The following EFHC2 variants were observed in gnomAD, a reference collection of about 807,000 sequenced individuals.
The protein encoded by EFHC2 is EF-hand domain containing 2.
EFHC2 carries 18 observed loss-of-function variants against 52.7 expected under a neutral mutation model. The observed-to-expected ratio is 0.34, with a 90% CI of 0.24 to 0.51. The LOEUF (loss-of-function observed/expected upper bound fraction) is 0.51. Among genes scored for constraint, EFHC2 ranks in the 20% least tolerant of loss-of-function variants. The probability of loss-of-function intolerance (pLI) is 0.97; values close to 1 mark genes in which losing one functional copy is unlikely to be tolerated. For missense variants in EFHC2, 513 were observed against 562.5 expected (o/e 0.91, Z 0.89); for synonymous variants, 203 against 204.1 (o/e 0.99, Z 0.04).
chrX:44,342,864 A>G (rs887772052), intron 1 of EFHC2, among the ~76,000 whole-genome samples: 3 of 67,055 alleles, frequency 4.5e-5, no homozygotes, highest in African/African-American at 2.2e-4. Flanking sequence ...CGACAGAGCG[A>G]GACTCCGTCT....
Position 44,232,679 on chromosome X carries a change from T to A in EFHC2, c.1424-2A>T. The A allele has an allele frequency of 8.4e-7, 1 of 1,183,472 alleles. No individual in the cohort carries two copies. ...TCAAGAACATCCCACCAGCAATTCC[T>A]ATAAAAAATAGAAAAGTTCATGAGC... On this transcript the variant is annotated splice_acceptor_variant, in intron 9 of 14. Transcript: ENST00000420999. LOFTEE classifies it high-confidence loss of function.
chrX:44,228,841 T>C (rs1002856846), intron 11 of EFHC2, among the ~76,000 whole-genome samples: 9 of 111,919 alleles, frequency 8.0e-5, no homozygotes, highest in African/African-American at 2.3e-4. Flanking sequence ...GAGTTTACTA[T>C]ATAGCTTTCA....
At chrX:44,273,303 C>T (rs2037630978) in intron 2 of EFHC2, among the ~76,000 whole-genome samples, 1 of 111,338 alleles carries the variant, frequency 9.0e-6, no homozygotes, top group Admixed American at 9.7e-5. Context: ...GCAATTCAAG[C>T]AGGCATATCT....
chrX:44,184,679 C>T (rs774964151), intron 11 of EFHC2, among the ~76,000 whole-genome samples: 22 of 103,184 alleles, frequency 2.1e-4, no homozygotes, highest in African/African-American at 6.5e-4. Flanking sequence ...GCTGAGATTG[C>T]GCCATTGCAC....
intron 8 of EFHC2, among the ~76,000 whole-genome samples, chrX:44,241,909 G>A (rs2037361946): frequency 8.9e-6 from 1 of 111,813 alleles, no homozygotes. Flanking sequence ...ATTACTTTAG[G>A]GGCCTCCAGA....
chrX:44,149,469 G>A (rs1310401868), intron 14 of EFHC2, among the ~76,000 whole-genome samples: 1 of 112,137 alleles, frequency 8.9e-6, no homozygotes, highest in African/African-American at 3.2e-5. Context: ...GCATGAATAC[G>A]CTGATAGATC....
intron 13 of EFHC2, among the ~76,000 whole-genome samples, chrX:44,175,113 T>C (rs759873965): frequency 4.8e-4 from 54 of 111,809 alleles, no homozygotes; most frequent in Non-Finnish European, 7.7e-4. Context: ...TAAGCCCCAC[T>C]ATGGAGAAGG....
At chrX:44,326,859 G>A (rs899965994) in intron 1 of EFHC2, among the ~76,000 whole-genome samples, 2 of 107,343 alleles carry the variant, frequency 1.9e-5, no homozygotes, top group African/African-American at 6.8e-5. Context: ...CTCCTGAGTA[G>A]CTGAGACTAC....
chrX:44,214,157 A>G (rs1419952865), intron 11 of EFHC2, among the ~76,000 whole-genome samples: 1 of 112,038 alleles, frequency 8.9e-6, no homozygotes, highest in African/African-American at 3.2e-5. Context: ...AGAAAAGAAC[A>G]GCAGAAATAT....
At position 44,343,634 on chromosome X, in the gene EFHC2, G is replaced by C. The variant is rs1340102864; in HGVS notation, c.-46C>G. 2 of 1,001,976 alleles carry C rather than the reference G, an allele frequency of 2.0e-6. No homozygotes were observed. Among genetic ancestry groups the C allele is most frequent in the East Asian group, 4.4e-5 (1 of 22,661 alleles). 82.6% of individuals were successfully genotyped at this position (1,001,976 alleles called of 1,213,427 possible). The stretch of plus-strand genomic sequence containing the variant: ...CCAGGGTCCCAGAAGAGAGGGCCCG[G>C]CAGGCAGCGGCGCCTCCCGGCCGTG... On this transcript the variant is annotated 5_prime_UTR_variant, in exon 1 of 15. Coordinates refer to ENST00000420999, the MANE Select transcript of EFHC2 (RefSeq NM_025184.4).
chrX:44,258,250 A>G (rs938788881), intron 4 of EFHC2, among the ~76,000 whole-genome samples: 2 of 111,968 alleles, frequency 1.8e-5, no homozygotes, highest in Non-Finnish European at 3.8e-5. Context: ...TAAAATACCA[A>G]AAGCAATGGC....
intron 2 of EFHC2, among the ~76,000 whole-genome samples, chrX:44,298,337 CAGTA>C (rs752028670): frequency 6.3e-5 from 7 of 111,693 alleles, no homozygotes; most frequent in Non-Finnish European, 9.4e-5. Flanking sequence ...AAATCTCAAA[CAGTA>C]AGCTAGATTC....
At chrX:44,301,515 A>G (rs561630237) in intron 2 of EFHC2, among the ~76,000 whole-genome samples, 14 of 112,375 alleles carry the variant, frequency 1.2e-4, no homozygotes, top group African/African-American at 4.5e-4. Flanking sequence ...TTGGGCAGTT[A>G]CAATGGCAAC....
chrX:44,315,367 C>T (rs2037977097), intron 1 of EFHC2, among the ~76,000 whole-genome samples: 1 of 110,986 alleles, frequency 9.0e-6, no homozygotes. Context: ...CAGCCAAATA[C>T]AGCAAACAAC....
rs750202120 is a variant in EFHC2, at chrX:44,176,375, T to G, written c.1959A>C (p.Val653=). The part of the protein sequence containing the change: ...CVYEDREKKN[V]LPTKDIKRLC... ...GCCTTTTAATGTCTTTGGTGGGTAA[T>G]ACATTTTTTCTGCATTAAAACAACG... Residue 653 remains valine (V), a synonymous_variant, in exon 13 of 15, where the codon GTA becomes GTC. Coordinates refer to ENST00000420999, the MANE Select transcript of EFHC2 (RefSeq NM_025184.4). 1.7e-6 allele frequency: 2 copies of G among 1,190,394 alleles called. No individual in the cohort carries two copies. The highest frequency in any genetic ancestry group is 3.8e-5 in the South Asian group (2 of 52,430).
chrX:44,301,280 A>G (rs999275935), intron 2 of EFHC2, among the ~76,000 whole-genome samples: 2 of 108,496 alleles, frequency 1.8e-5, no homozygotes, highest in African/African-American at 6.7e-5. Context: ...ACTCCCTATG[A>G]TTTCCAACCT....
At chrX:44,218,627 C>T (rs2037169596) in intron 11 of EFHC2, among the ~76,000 whole-genome samples, 2 of 112,083 alleles carry the variant, frequency 1.8e-5, no homozygotes, top group Admixed American at 1.9e-4. Context: ...AACCATAAAG[C>T]TATTAGAGGG....
At chrX:44,196,288 G>C (rs1187233541) in intron 11 of EFHC2, among the ~76,000 whole-genome samples, 3 of 111,842 alleles carry the variant, frequency 2.7e-5, no homozygotes, top group South Asian at 7.5e-4. Context: ...GAAGCTCAGA[G>C]CCAGGCCTGT....
At chrX:44,325,954 G>A (rs1476110826) in intron 1 of EFHC2, among the ~76,000 whole-genome samples, 1 of 106,722 alleles carries the variant, frequency 9.4e-6, no homozygotes, top group Non-Finnish European at 1.9e-5. Flanking sequence ...GTGCAGTGGC[G>A]TGATCACAGC....
Sources: gnomAD v4.1 joint callset for allele counts (sites outside exome capture counted in the v4.1 genomes callset) on GRCh38, gnomAD v4.1.1 for gene constraint, MANE v1.5 for transcripts, NCBI Gene and HGNC (gene_info 2026-07-23, HGNC 2026-07-21) for gene names.